LRP1: variants seen among roughly 807,000 people sequenced by gnomAD.
LRP1 encodes prolow-density lipoprotein receptor-related protein 1.
LRP1 carries 51 observed loss-of-function variants against 541.5 expected under a neutral mutation model. That is an observed-to-expected ratio of 0.09 (90% CI 0.08 to 0.12). The LOEUF is 0.12. LRP1 is among the 10% of genes least tolerant of loss of function. The pLI is 1.00. For missense variants in LRP1, 3,878 were observed against 6,376.2 expected, an observed-to-expected ratio of 0.61 and a Z score of 13.34; for synonymous variants, 2,219 against 2,470.8, an observed-to-expected ratio of 0.90 and a Z score of 3.02.
chr12:57,197,114 G>A lies in LRP1; in HGVS notation c.9025G>A (p.Glu3009Lys). The change falls in exon 56 of 89, where the codon GAG becomes AAG. Residue 3009 changes from glutamate (E) to lysine (K), a missense_variant. Glu to Lys is a moderately conservative substitution (Grantham distance 56). Around this residue, in one of 13 missense-constraint regions of LRP1, gnomAD observed 1,100 missense variants for 1,827.4 expected, o/e 0.60. Transcript: ENST00000243077. This position sits in a 1 kb window ranked among gnomAD's most constrained non-coding sequence, Gnocchi z 4.5. ...THGSYKCLCV[E>K]GYAPRGGDPH... is the part of the protein sequence containing the mutation. The stretch of plus-strand genomic sequence containing the variant: ...TGGCAGCTATAAGTGTCTGTGTGTG[G>A]AGGGCTATGCACCCCGCGGCGGCGA... 1 of 1,614,094 alleles carries A rather than the reference G, an allele frequency of 6.2e-7. No individual in the cohort carries two copies. Among genetic ancestry groups the A allele is most frequent in the South Asian group, 1.1e-5 (1 of 91,090 alleles).
rs1240179235 is a variant in LRP1 at position 57,179,419 on chromosome 12, C to T, written c.4829C>T (p.Thr1610Met). The T allele has an allele frequency of 8.7e-6, 14 of 1,614,120 alleles. No individual in the cohort carries two copies. The highest frequency in any genetic ancestry group is 1.3e-5 in the African/African-American group (1 of 74,952). Residue 1610 changes from threonine to methionine, a missense_variant, in exon 29 of 89, where the codon ACG (threonine) becomes ATG (methionine). Physicochemically the swap from Thr to Met is moderately conservative, Grantham distance 81. Transcript: ENST00000243077. The surrounding 1 kb of genome is among the most constrained non-coding windows in gnomAD (Gnocchi z 6.8). ...TACTACAACTACATCATCTCCTTCA[C>T]GGTGCCCGACATCGACAACGTCACA... ...APYYNYIISFTVPDIDNVTVL... is the reference protein window; with the variant it reads ...APYYNYIISFMVPDIDNVTVL...
chr12:57,192,750 G>T (rs1163418517), intron 44 of LRP1, 95 bp from the exon 45 acceptor site: 2 of 1,536,054 alleles, frequency 1.3e-6, no homozygotes, highest in Non-Finnish European at 1.8e-6. Context: ...AGAGGCTTGG[G>T]AGCTCCATGA....
chr12:57,195,955 C>T lies in LRP1; in HGVS notation c.8653C>T (p.His2885Tyr). 1 of 1,613,542 alleles carries T rather than the reference C, an allele frequency of 6.2e-7. No homozygotes were observed. Among genetic ancestry groups the T allele is most frequent in the Non-Finnish European group, 8.5e-7 (1 of 1,180,028 alleles). ...QWECDGENDCHDQSDEAPKNP... is the reference protein window; with the variant it reads ...QWECDGENDCYDQSDEAPKNP... ...GGAGTGTGATGGCGAGAATGACTGCCACGACCAGAGTGACGAGGCTCCCAA... is the reference window on the plus strand; with the variant it reads ...GGAGTGTGATGGCGAGAATGACTGCTACGACCAGAGTGACGAGGCTCCCAA... The change falls in exon 54 of 89, where the codon CAC (histidine) becomes TAC (tyrosine). Residue 2885 changes from histidine to tyrosine, a missense_variant. Physicochemically the swap from His to Tyr is moderately conservative, Grantham distance 83. Coordinates refer to ENST00000243077, the MANE Select transcript of LRP1 (RefSeq NM_002332.3).
In LRP1 at chr12:57,203,264, G is replaced by A. The variant is rs2036695386; in HGVS notation, c.10795G>A (p.Asp3599Asn). 1 of 1,609,720 alleles carries A rather than the reference G, an allele frequency of 6.2e-7. No homozygotes were observed. The highest frequency in any genetic ancestry group is 1.7e-5 in the Admixed American group (1 of 59,838). Reference protein sequence around the residue: ...AGRWKCDGDHDCADGSDEKDC... With the variant: ...AGRWKCDGDHNCADGSDEKDC... ...GCGCTGGAAATGCGATGGAGACCAC[G>A]ACTGCGCGGACGGCTCGGACGAGGT... The change falls in exon 69 of 89, where the codon GAC becomes AAC. Residue 3599 changes from aspartate (D) to asparagine (N), a missense_variant. Transcript: ENST00000243077.
At chr12:57,168,306 G>GC (rs1216908613) in intron 19 of LRP1, 1 of 153,308 alleles carries the variant, frequency 6.5e-6, no homozygotes, top group Non-Finnish European at 1.5e-5. Context: ...GGTTCTCCAG[G>GC]CCCCTACTCC....
rs376139868 is a variant in LRP1 at position 57,190,592 on chromosome 12, C to T, written c.7032-213C>T. ...GCAATGTGAATATCTCACACTTGGC[C>T]CTCATCCCCTCACACTCAGCCACCT... On this transcript the variant is annotated intron_variant, in intron 42 of 88. Coordinates refer to ENST00000243077, the MANE Select transcript of LRP1 (RefSeq NM_002332.3). Among the ~76,000 whole-genome samples, 8 of 152,348 alleles carry T rather than the reference C, an allele frequency of 5.3e-5. No homozygotes were observed. The East Asian group carries it at 1.4e-3, about 26-fold the overall frequency.
rs367951371 is a variant in LRP1 at position 57,128,705 on chromosome 12, C to T, written c.-260C>T. 1 of 416,890 alleles carries T rather than the reference C, an allele frequency of 2.4e-6. No homozygotes were observed. 25.8% of individuals were successfully genotyped at this position (416,890 alleles called of 1,614,324 possible). Reference sequence around the variant, plus strand: ...TCGCCCGGGGAGGGGGAAAGAGCAGCGAGGAGTGAAGCGGGGGGGTGGGGT... The same window carrying T: ...TCGCCCGGGGAGGGGGAAAGAGCAGTGAGGAGTGAAGCGGGGGGGTGGGGT... On this transcript the variant is annotated 5_prime_UTR_variant, in exon 1 of 89. Transcript: ENST00000243077.
chr12:57,194,723 A>C lies in LRP1; in HGVS notation c.8191+24A>C, dbSNP rs777715340. 66 of 1,529,170 alleles carry C rather than the reference A, an allele frequency of 4.3e-5. No homozygotes were observed. The South Asian group carries it at 7.5e-4, about 17-fold the overall frequency. The allele number at this position is 1,529,170 out of a possible 1,614,324, so 94.7% of individuals were successfully genotyped here. ...CAGTGAGTGACCACTGCACCCACTC[A>C]GTGCTCCAAGAGCCTGCTGGGCCCC... is the stretch of plus-strand genomic sequence containing the variant. On this transcript the variant is annotated intron_variant, in intron 50 of 88. Coordinates refer to ENST00000243077, the MANE Select transcript of LRP1 (RefSeq NM_002332.3).
chr12:57,153,744 C>A (rs562681522), intron 6 of LRP1, among the ~76,000 whole-genome samples: 57 of 152,280 alleles, frequency 3.7e-4, no homozygotes, highest in African/African-American at 1.4e-3. Flanking sequence ...GTGTACCCTG[C>A]TTTTCCACTT....
rs2228187 is a variant in LRP1 at position 57,177,466 on chromosome 12, C to T, written c.4236C>T (p.Arg1412=). The T allele has an allele frequency of 9.9e-3, 15,957 of 1,610,092 alleles. 115 individuals are homozygous for T. The highest frequency in any genetic ancestry group is 0.012 in the Non-Finnish European group (14,351 of 1,178,038). Residue 1412 remains arginine, a synonymous_variant, in exon 26 of 89, where the codon CGC becomes CGT. Transcript: ENST00000243077. This position sits in a 1 kb window ranked among gnomAD's most constrained non-coding sequence, Gnocchi z 6.8. ...FWTDWDASLP[R]IEAASMSGAG... ...CAGACTGGGATGCCAGCCTGCCCCG[C>T]ATTGAGGCAGCCTCCATGAGTGGGG...
At chr12:57,200,864 C>T in intron 64 of LRP1, 49 bp downstream of exon 64, 1 of 1,530,290 alleles carries the variant, frequency 6.5e-7, no homozygotes, top group Non-Finnish European at 9.0e-7. Flanking sequence ...ATCTTCCCTG[C>T]CCCAGGATTT....
Position 57,162,505 on chromosome 12 carries a change from C to T in LRP1, c.2391C>T (p.Ala797=). Residue 797 remains alanine (A), a synonymous_variant, in exon 14 of 89, where the codon GCC becomes GCT. Transcript: ENST00000243077. The surrounding 1 kb of genome is among the most constrained non-coding windows in gnomAD (Gnocchi z 5.2). ...TCTTTGAGATCCGAATGTATGATGC[C>T]CAGCAGCAGCAAGGTACCTCCTTGG... ...PPIFEIRMYD[A]QQQQVGTNKC... The T allele has an allele frequency of 6.2e-7, 1 of 1,613,778 alleles. No individual in the cohort carries two copies. The highest frequency in any genetic ancestry group is 1.1e-5 in the South Asian group (1 of 91,064).
chr12:57,151,771 G>C (rs1234568417), intron 6 of LRP1, among the ~76,000 whole-genome samples: 1 of 152,242 alleles, frequency 6.6e-6, no homozygotes, highest in Non-Finnish European at 1.5e-5. Flanking sequence ...GTATGTGTGT[G>C]TGTGTGATTG....
chr12:57,211,638 C>A lies in LRP1; in HGVS notation c.13193+50C>A. On this transcript the variant is annotated intron_variant, in intron 85 of 88. Transcript: ENST00000243077. This position sits in a 1 kb window ranked among gnomAD's most constrained non-coding sequence, Gnocchi z 4.3. ...AGGCATAGATCATCGCTCCCTTCCC[C>A]AGATTTGAGCAGGAGGACCGTCAGG... 1 of 1,604,860 alleles carries A rather than the reference C, an allele frequency of 6.2e-7. No homozygotes were observed. The highest frequency in any genetic ancestry group is 8.5e-7 in the Non-Finnish European group (1 of 1,171,922).
At chr12:57,138,436 C>A (rs769410606) in intron 1 of LRP1, 23 bp from the exon 2 acceptor site, 1 of 1,612,268 alleles carries the variant, frequency 6.2e-7, no homozygotes, top group East Asian at 2.2e-5. Flanking sequence ...TCATTTATAT[C>A]CCCTTTTCTT....
Position 57,204,338 on chromosome 12 carries a change from C to A in LRP1, c.10952-72C>A. 1 of 1,450,768 alleles carries A rather than the reference C, an allele frequency of 6.9e-7. No homozygotes were observed. 89.9% of individuals were successfully genotyped at this position (1,450,768 alleles called of 1,614,324 possible). A position where few individuals can be genotyped will look rare whatever the true frequency, so the allele number is the denominator to read the frequency against. On this transcript the variant is annotated intron_variant, in intron 70 of 88. Transcript: ENST00000243077. This position sits in a 1 kb window ranked among gnomAD's most constrained non-coding sequence, Gnocchi z 5.3. ...CCTGGTGACCCCTCTGAGCCTGGAA[C>A]CCCCACCTGTGGAGACAGGGGTCTG...
intron 44 of LRP1, 53 bp downstream of exon 44, chr12:57,191,565 A>G (rs2036380050): frequency 6.7e-7 from 1 of 1,494,358 alleles, no homozygotes; most frequent in Non-Finnish European, 9.1e-7. Flanking sequence ...GTGCATGGAC[A>G]TACAAACACA....
At position 57,211,118 on chromosome 12, in the gene LRP1, T is replaced by C. The variant is rs2036903978; in HGVS notation, c.12917-58T>C. 1.3e-6 allele frequency: 2 copies of C among 1,573,188 alleles called. No homozygotes were observed. Among genetic ancestry groups the C allele is most frequent in the Admixed American group, 1.7e-5 (1 of 59,376 alleles). On this transcript the variant is annotated intron_variant, in intron 83 of 88. Transcript: ENST00000243077. This position sits in a 1 kb window ranked among gnomAD's most constrained non-coding sequence, Gnocchi z 4.3. ...GCAAACAGAAAAGCTCTGTTCAACC[T>C]ATGGAGAGCCCTCATGAGGGTGGGG...
In LRP1 at chr12:57,192,899, T is replaced by C; in HGVS notation, c.7484T>C (p.Leu2495Pro). ...GGTGGCTGCCAGGACCTGTGTCTGC[T>C]CACTCACCAGGGCCATGTCAACTGC... ...NNGGCQDLCL[L>P]THQGHVNCSC... Residue 2495 changes from leucine (L) to proline (P), a missense_variant, in exon 45 of 89, where the codon CTC (leucine) becomes CCC (proline). Leu to Pro is a moderately conservative substitution (Grantham distance 98). This residue lies in a region of LRP1 where 1,100 missense variants were observed against 1,827.4 expected (regional missense o/e 0.60). Coordinates refer to ENST00000243077, the MANE Select transcript of LRP1 (RefSeq NM_002332.3). The C allele has an allele frequency of 6.2e-7, 1 of 1,613,960 alleles. No homozygotes were observed. The highest frequency in any genetic ancestry group is 8.5e-7 in the Non-Finnish European group (1 of 1,179,984).
Sources: allele counts gnomAD v4.1 joint callset (sites outside exome capture counted in the v4.1 genomes callset), GRCh38; gene constraint gnomAD v4.1.1; regional missense constraint gnomAD v4.1.1; non-coding constraint Gnocchi (gnomAD v3.1); transcripts MANE v1.5; gene names NCBI Gene and HGNC (gene_info 2026-07-23, HGNC 2026-07-21).